The following OSBPL11 variants were observed in gnomAD, a reference collection of about 807,000 sequenced individuals.
OSBPL11 encodes oxysterol binding protein like 11, also known as oxysterol-binding protein-related protein 11.
Under a neutral mutation model 84.4 loss-of-function variants are expected in OSBPL11, and 33 were observed. That is an observed-to-expected ratio of 0.39 (90% CI 0.30 to 0.52). The LOEUF (loss-of-function observed/expected upper bound fraction) is 0.52. Among genes scored for constraint, OSBPL11 ranks in the 20% least tolerant of loss-of-function variants. The probability of loss-of-function intolerance (pLI) is 0.72; values close to 1 mark genes in which losing one functional copy is unlikely to be tolerated. For synonymous variants in OSBPL11, 276 were observed against 310.2 expected, an observed-to-expected ratio of 0.89 and a Z score of 1.16; for missense variants, 736 against 901.1, an observed-to-expected ratio of 0.82 and a Z score of 2.35.
chr3:125,547,964 G>A (rs533005861), intron 9 of OSBPL11, among the ~76,000 whole-genome samples: 3 of 152,156 alleles, frequency 2.0e-5, no homozygotes, highest in Middle Eastern at 3.4e-3. Flanking sequence ...TGCAACCTCC[G>A]ACTCCTGGGT....
At chr3:125,568,588 T>G (rs922206326) in intron 5 of OSBPL11, among the ~76,000 whole-genome samples, 4 of 152,230 alleles carry the variant, frequency 2.6e-5, no homozygotes, top group African/African-American at 7.2e-5. Flanking sequence ...AGGCTCAATT[T>G]GAACCTACTA....
intron 6 of OSBPL11, 41 bp downstream of exon 6, chr3:125,567,353 T>C: frequency 6.8e-7 from 1 of 1,481,206 alleles, no homozygotes; most frequent in Non-Finnish European, 9.4e-7. Flanking sequence ...TTCCATGTGT[T>C]GGCCTTCATT....
intron 7 of OSBPL11, 80 bp downstream of exon 7, chr3:125,563,618 C>G (rs1398377037): frequency 7.1e-7 from 1 of 1,400,252 alleles, no homozygotes; most frequent in Admixed American, 1.8e-5. Flanking sequence ...TGTGCATGAG[C>G]TGACAATGAA....
chr3:125,557,286 T>C (rs1305352854), intron 8 of OSBPL11, among the ~76,000 whole-genome samples: 1 of 152,254 alleles, frequency 6.6e-6, no homozygotes, highest in Non-Finnish European at 1.5e-5. Context: ...GTCTGGAATA[T>C]AACAGGGGCC....
intron 11 of OSBPL11, among the ~76,000 whole-genome samples, chr3:125,535,926 A>G (rs571985107): frequency 7.1e-4 from 108 of 151,514 alleles, no homozygotes; most frequent in African/African-American, 2.5e-3. Context: ...TGAGATCAGG[A>G]GTTCAAGACC....
intron 8 of OSBPL11, among the ~76,000 whole-genome samples, chr3:125,553,475 G>T (rs1935944399): frequency 6.6e-6 from 1 of 150,998 alleles, no homozygotes; most frequent in South Asian, 2.1e-4. Context: ...CCAGGTAAGT[G>T]TAAGAAAGAT....
chr3:125,588,311 CAGAGA>C (rs1373191588), intron 1 of OSBPL11, among the ~76,000 whole-genome samples: 1 of 151,638 alleles, frequency 6.6e-6, no homozygotes, highest in African/African-American at 2.4e-5. Flanking sequence ...ACTTAAAACC[CAGAGA>C]TAACAGTTTA....
chr3:125,555,715 C>T (rs187333336), intron 8 of OSBPL11, among the ~76,000 whole-genome samples: 80 of 151,910 alleles, frequency 5.3e-4, no homozygotes, highest in Admixed American at 1.1e-3. Flanking sequence ...GATGGAGTCT[C>T]GCTCTGTCAC....
intron 5 of OSBPL11, among the ~76,000 whole-genome samples, chr3:125,571,438 C>A (rs1936240181): frequency 1.3e-5 from 2 of 152,164 alleles, no homozygotes; most frequent in Non-Finnish European, 2.9e-5. Flanking sequence ...TGAATGTTAA[C>A]CCCCAAGACA....
intron 2 of OSBPL11, 112 bp downstream of exon 2, chr3:125,582,798 C>G: frequency 1.2e-6 from 1 of 816,720 alleles, no homozygotes; most frequent in Non-Finnish European, 1.9e-6. Flanking sequence ...AAATCCTTCT[C>G]TAAAAGGTTT....
chr3:125,579,808 C>T lies in OSBPL11; in HGVS notation c.409+57G>A, dbSNP rs549887915. The T allele has an allele frequency of 1.6e-5, 24 of 1,526,054 alleles. No individual in the cohort carries two copies. The African/African-American group carries it at 3.0e-4, about 19-fold the overall frequency. The allele number at this position is 1,526,054 out of a possible 1,614,324, so 94.5% of individuals were successfully genotyped here. ...AGCCCATATGAAAGCATGTAAGACACCAACTTCTCAAAAAAAGAGGAAAAT... is the reference window on the plus strand; with the variant it reads ...AGCCCATATGAAAGCATGTAAGACATCAACTTCTCAAAAAAAGAGGAAAAT... On this transcript the variant is annotated intron_variant, in intron 3 of 12. Transcript: ENST00000296220.
intron 5 of OSBPL11, among the ~76,000 whole-genome samples, chr3:125,573,945 C>T (rs370335617): frequency 6.0e-5 from 9 of 150,304 alleles, no homozygotes; most frequent in Admixed American, 4.0e-4. Context: ...ACTAAACTTA[C>T]CCACAGATTT....
At chr3:125,585,191 T>C (rs1936487345) in intron 1 of OSBPL11, among the ~76,000 whole-genome samples, 1 of 152,190 alleles carries the variant, frequency 6.6e-6, no homozygotes, top group South Asian at 2.1e-4. Flanking sequence ...AGTGCAGTGG[T>C]GTGATCTCAG....
Position 125,579,991 on chromosome 3 carries a change from C to T in OSBPL11, c.283G>A (p.Glu95Lys). ...CTAGGTTTCTGATTTCTAGACTGTT[C>T]ATTCACAAAGTACTCCAACAGCCCA... ...EAGLLEYFVNEQSRNQKPRGT... is the reference protein window; with the variant it reads ...EAGLLEYFVNKQSRNQKPRGT... Residue 95 changes from glutamate to lysine, a missense_variant, in exon 3 of 13, where the codon GAA becomes AAA. Transcript: ENST00000296220. 1 of 1,614,170 alleles carries T rather than the reference C, an allele frequency of 6.2e-7. No homozygotes were observed. Among genetic ancestry groups the T allele is most frequent in the Non-Finnish European group, 8.5e-7 (1 of 1,180,014 alleles).
intron 10 of OSBPL11, among the ~76,000 whole-genome samples, chr3:125,541,765 T>C (rs963657036): frequency 1.3e-5 from 2 of 152,164 alleles, no homozygotes; most frequent in Admixed American, 6.6e-5. Flanking sequence ...TTTATTCTTG[T>C]ACAGAGTGGG....
chr3:125,547,557 T>C lies in OSBPL11; in HGVS notation c.1690A>G (p.Thr564Ala). The C allele has an allele frequency of 6.2e-7, 1 of 1,613,078 alleles. No homozygotes were observed. The highest frequency in any genetic ancestry group is 8.5e-7 in the Non-Finnish European group (1 of 1,179,452). The change falls in exon 10 of 13, where the codon ACA becomes GCA. Residue 564 changes from threonine to alanine, a missense_variant. Thr to Ala is a moderately conservative substitution (Grantham distance 58). Around this residue, in one of 3 missense-constraint regions of OSBPL11, gnomAD observed 579 missense variants for 717.6 expected, o/e 0.81. Transcript: ENST00000296220. The stretch of plus-strand genomic sequence containing the variant: ...GCATATGCACAGGGTAGAGAAAATG[T>C]GTACTCTTCTCCATGCTCCAACAGA... Reference protein sequence around the residue: ...LSLLEHGEEYTFSLPCAYARS... With the variant: ...LSLLEHGEEYAFSLPCAYARS...
At chr3:125,591,813 G>A (rs1409868573) in intron 1 of OSBPL11, among the ~76,000 whole-genome samples, 1 of 152,064 alleles carries the variant, frequency 6.6e-6, no homozygotes. Flanking sequence ...ATGAGCCTGG[G>A]CAACATCGCA....
At chr3:125,541,710 T>C (rs1935731685) in intron 10 of OSBPL11, among the ~76,000 whole-genome samples, 1 of 152,180 alleles carries the variant, frequency 6.6e-6, no homozygotes, top group Admixed American at 6.6e-5. Flanking sequence ...CCTGAGTAGC[T>C]GGAACTACAG....
chr3:125,533,499 T>C (rs1935593659), intron 11 of OSBPL11, among the ~76,000 whole-genome samples: 1 of 152,018 alleles, frequency 6.6e-6, no homozygotes, highest in Non-Finnish European at 1.5e-5. Flanking sequence ...TGCTGGATAG[T>C]ATGCCAAAGG....
Sources: gnomAD v4.1 joint callset for allele counts (sites outside exome capture counted in the v4.1 genomes callset) on GRCh38, gnomAD v4.1.1 for gene constraint, gnomAD v4.1.1 regional missense constraint, MANE v1.5 for transcripts, NCBI Gene and HGNC (gene_info 2026-07-23, HGNC 2026-07-21) for gene names.